The following RBPJ variants were observed in gnomAD, a reference collection of about 807,000 sequenced individuals.
The protein encoded by RBPJ is recombining binding protein suppressor of hairless.
In RBPJ, 9 loss-of-function variants were observed where a neutral mutation model predicts 67.8. That is an observed-to-expected ratio of 0.13 (90% CI 0.08 to 0.23). The LOEUF (loss-of-function observed/expected upper bound fraction) is 0.23. Among genes scored for constraint, RBPJ ranks in the 10% least tolerant of loss-of-function variants. The probability of loss-of-function intolerance (pLI) is 1.00; values close to 1 mark genes in which losing one functional copy is unlikely to be tolerated. For missense variants in RBPJ, 305 were observed against 595.6 expected (o/e 0.51, Z 5.08); for synonymous variants, 198 against 203.3 (o/e 0.97, Z 0.22).
At chr4:26,234,895 G>A (rs1719406426) in intron 1 of RBPJ, among the ~76,000 whole-genome samples, 1 of 152,012 alleles carries the variant, frequency 6.6e-6, no homozygotes, top group Admixed American at 6.6e-5. Flanking sequence ...GTTTCACCAT[G>A]TTGGCCAGGC....
At chr4:26,323,049 C>G in intron 1 of RBPJ, 1 of 151,070 alleles carries the variant, frequency 6.6e-6, no homozygotes, top group Non-Finnish European at 1.5e-5. Context: ...GAGATCTACT[C>G]TAACGAGTAT....
chr4:26,173,324 T>C (rs1044482495), intron 1 of RBPJ, among the ~76,000 whole-genome samples: 1 of 151,962 alleles, frequency 6.6e-6, no homozygotes, highest in African/African-American at 2.4e-5. Flanking sequence ...TTAGTGGAGA[T>C]GGGGTTTCAC....
chr4:26,379,527 A>G (rs866820046), intron 1 of RBPJ, among the ~76,000 whole-genome samples: 2 of 152,182 alleles, frequency 1.3e-5, no homozygotes, highest in Non-Finnish European at 2.9e-5. Context: ...TGCAGGAAAA[A>G]GAGCATGTGT....
At chr4:26,144,139 A>G in the RBPJ span, among the ~76,000 whole-genome samples, 11 of 152,336 alleles carry the variant, frequency 7.2e-5, no homozygotes, top group Non-Finnish European at 1.6e-4. Flanking sequence ...ATTTTTAATA[A>G]AATCACTTCT....
At chr4:26,119,912 A>T in the RBPJ span, among the ~76,000 whole-genome samples, 1 of 152,262 alleles carries the variant, frequency 6.6e-6, no homozygotes, top group Non-Finnish European at 1.5e-5. Context: ...ATAAGACCCC[A>T]CCATTGTGGC....
intron 1 of RBPJ, among the ~76,000 whole-genome samples, chr4:26,347,465 C>T (rs1382497695): frequency 1.3e-5 from 2 of 152,156 alleles, no homozygotes; most frequent in Non-Finnish European, 2.9e-5. Context: ...ACAATGAAGA[C>T]AGAGTTCTAG....
chr4:26,275,209 G>A (rs1057235427), intron 1 of RBPJ, among the ~76,000 whole-genome samples: 7 of 152,168 alleles, frequency 4.6e-5, no homozygotes, highest in Non-Finnish European at 8.8e-5. Context: ...GTGTGGAACC[G>A]TGCTCTTTTC....
At chr4:26,267,169 A>G (rs1292994694) in intron 1 of RBPJ, among the ~76,000 whole-genome samples, 1 of 152,176 alleles carries the variant, frequency 6.6e-6, no homozygotes, top group East Asian at 1.9e-4. Context: ...TCAAAATTCA[A>G]GCTGTAAAAT....
the RBPJ span, among the ~76,000 whole-genome samples, chr4:26,152,872 T>G: frequency 6.6e-6 from 1 of 152,360 alleles, no homozygotes; most frequent in African/African-American, 2.4e-5. Flanking sequence ...TGCCCCAGTT[T>G]ATGACCAATC....
At chr4:26,374,727 C>T (rs967424927) in intron 1 of RBPJ, among the ~76,000 whole-genome samples, 2 of 152,144 alleles carry the variant, frequency 1.3e-5, no homozygotes, top group Non-Finnish European at 2.9e-5. Context: ...ACCTGCCTCC[C>T]AAAGTGCTGG....
At chr4:26,123,637 G>C in the RBPJ span, among the ~76,000 whole-genome samples, 1 of 152,000 alleles carries the variant, frequency 6.6e-6, no homozygotes, top group Admixed American at 6.6e-5. Flanking sequence ...ACATCGTACA[G>C]CTATACAAAA....
intron 1 of RBPJ, among the ~76,000 whole-genome samples, chr4:26,335,118 G>A (rs1300140099): frequency 6.6e-6 from 1 of 152,098 alleles, no homozygotes; most frequent in Non-Finnish European, 1.5e-5. Context: ...GCTGCCACAG[G>A]TAAACGTTAA....
At chr4:26,270,377 G>GAA (rs1235980125) in intron 1 of RBPJ, among the ~76,000 whole-genome samples, 493 of 44,178 alleles carry the variant, frequency 0.011, 49 homozygotes, top group African/African-American at 0.036. Context: ...AAGAAAGAAA[G>GAA]AAAGAAAGAA....
rs148492070 is a variant in RBPJ at position 26,387,247 on chromosome 4, C to T, written c.59+856C>T. ...TTAAAAAGCTGTTACACTTAAAGAACGATGGGGACCTACAGAAGGATACAA... is the reference window on the plus strand; with the variant it reads ...TTAAAAAGCTGTTACACTTAAAGAATGATGGGGACCTACAGAAGGATACAA... On this transcript the variant is annotated intron_variant, in intron 2 of 10. Transcript: ENST00000355476. Among the ~76,000 whole-genome samples, 544 of 152,190 alleles carry T rather than the reference C, an allele frequency of 3.6e-3. 5 individuals carry two copies. Among genetic ancestry groups the T allele is most frequent in the Admixed American group, 0.015 (227 of 15,284 alleles).
In RBPJ at chr4:26,431,716, G is replaced by A. The variant is rs1736253345; in HGVS notation, c.*709G>A. The A allele has an allele frequency of 6.6e-6, 1 of 151,510 alleles. No homozygotes were observed. Among genetic ancestry groups the A allele is most frequent in the Admixed American group, 6.6e-5 (1 of 15,214 alleles). The allele number at this position is 151,510 out of a possible 1,614,324, so 9.4% of individuals were successfully genotyped here. ...CTGCATATTTTTTTTAAGATTATAT[G>A]AAGTCTGTGCAAAAGCTTTAAAAAA... On this transcript the variant is annotated 3_prime_UTR_variant, in exon 11 of 11. Transcript: ENST00000355476.
At chr4:26,245,038 C>A (rs1208325261) in intron 1 of RBPJ, among the ~76,000 whole-genome samples, 3 of 150,960 alleles carry the variant, frequency 2.0e-5, no homozygotes. Flanking sequence ...ATAAGAATCA[C>A]CTTCTTAAAG....
At chr4:26,288,404 G>A in intron 1 of RBPJ, among the ~76,000 whole-genome samples, 1 of 152,340 alleles carries the variant, frequency 6.6e-6, no homozygotes, top group East Asian at 1.9e-4. Context: ...AGAGCTGTTT[G>A]AGTGCCCCTC....
At chr4:26,177,543 C>T (rs1283761322) in intron 1 of RBPJ, among the ~76,000 whole-genome samples, 2 of 151,690 alleles carry the variant, frequency 1.3e-5, no homozygotes, top group African/African-American at 4.9e-5. Context: ...CACCACTGCA[C>T]TCCAGCCTGT....
chr4:26,326,752 G>T (rs73809414), intron 1 of RBPJ, among the ~76,000 whole-genome samples: 3 of 152,088 alleles, frequency 2.0e-5, no homozygotes, highest in African/African-American at 7.2e-5. Context: ...ACAGTAAAGC[G>T]TTCTATACAA....
Sources: allele counts gnomAD v4.1 joint callset (sites outside exome capture counted in the v4.1 genomes callset), GRCh38; gene constraint gnomAD v4.1.1; transcripts MANE v1.5; gene names NCBI Gene and HGNC (gene_info 2026-07-23, HGNC 2026-07-21).